The following TMEM237 variants were observed in gnomAD, a reference collection of about 807,000 sequenced individuals.
TMEM237 encodes amyotrophic lateral sclerosis 2 (juvenile) chromosome region, candidate 4.
A neutral mutation model predicts 59.1 loss-of-function variants in TMEM237; 51 were observed. The observed-to-expected ratio is 0.86, with a 90% CI of 0.69 to 1.09. The LOEUF (loss-of-function observed/expected upper bound fraction) is 1.09, where lower values mean the gene tolerates loss of function less well. TMEM237 is among the 50% of genes least tolerant of loss of function. TMEM237 has a pLI of 0.00. For synonymous variants in TMEM237, 140 were observed against 166.1 expected (o/e 0.84, Z 1.21); for missense variants, 475 against 478.3 (o/e 0.99, Z 0.06).
rs763176756 is a variant in TMEM237 at position 201,624,308 on chromosome 2, AG to A, written c.1173del (p.Ser392GlnfsTer26). On this transcript the variant is annotated frameshift_variant, in exon 13 of 13. Transcript: ENST00000409883. LOFTEE classifies it high-confidence loss of function. ...TTATCAGGATATTCTTCCACCTCTGAGGAGAACATTAACTCTGGAGAAGAAA... is the reference window on the plus strand; with the variant it reads ...TTATCAGGATATTCTTCCACCTCTGAGAGAACATTAACTCTGGAGAAGAAA... ...GMDLSEELMF[S>X]SEVEEYPDKE... is the part of the protein sequence containing the mutation. The A allele has an allele frequency of 1.5e-5, 24 of 1,612,004 alleles. No individual in the cohort carries two copies. The highest frequency in any genetic ancestry group is 2.0e-5 in the Non-Finnish European group (24 of 1,178,894).
chr2:201,641,063 C>T, intron 1 of TMEM237, 139 bp from the exon 2 acceptor site: 1 of 610,088 alleles, frequency 1.6e-6, no homozygotes, highest in Non-Finnish European at 2.7e-6. Flanking sequence ...ACGATCTTGG[C>T]TCACTGCAGC....
intron 5 of TMEM237, among the ~76,000 whole-genome samples, chr2:201,634,181 G>C (rs183334413): frequency 6.6e-6 from 1 of 152,320 alleles, no homozygotes; most frequent in Non-Finnish European, 1.5e-5. Flanking sequence ...AAGGATAGCA[G>C]TCTCAGGTCT....
chr2:201,643,294 C>CCCCCCGG lies in TMEM237; in HGVS notation c.42+64_42+65insCCGGGGG. 1 of 1,489,864 alleles carries CCCCCCGG rather than the reference C, an allele frequency of 6.7e-7. No individual in the cohort carries two copies. Among genetic ancestry groups the CCCCCCGG allele is most frequent in the Non-Finnish European group, 9.1e-7 (1 of 1,095,544 alleles). 92.3% of individuals were successfully genotyped at this position (1,489,864 alleles called of 1,614,324 possible). A position where few individuals can be genotyped will look rare whatever the true frequency, so the allele number is the denominator to read the frequency against. Reference sequence around the variant, plus strand: ...TTGGCGCCCCCCCACACACACCCACCCCCACTGCCAAGTGTAGCTGTTTAC... The same window carrying CCCCCCGG: ...TTGGCGCCCCCCCACACACACCCACCCCCCCGGCCCACTGCCAAGTGTAGCTGTTTAC... On this transcript the variant is annotated intron_variant, in intron 1 of 12. Transcript: ENST00000409883. The surrounding 1 kb of genome is among the most constrained non-coding windows in gnomAD (Gnocchi z 4.3).
At chr2:201,627,458 T>C in intron 10 of TMEM237, 44 bp from the exon 11 acceptor site, 1 of 1,283,776 alleles carries the variant, frequency 7.8e-7, no homozygotes, top group Middle Eastern at 1.9e-4. Flanking sequence ...TTTAACAACC[T>C]GGTTTATTTT....
intron 6 of TMEM237, 56 bp from the exon 7 acceptor site, chr2:201,632,264 T>C: frequency 1.3e-6 from 2 of 1,584,864 alleles, no homozygotes; most frequent in South Asian, 2.3e-5. Flanking sequence ...TTTACAGACT[T>C]ACATAAGGAA....
chr2:201,624,253 T>TA lies in TMEM237; in HGVS notation c.*1dup. On this transcript the variant is annotated 3_prime_UTR_variant, in exon 13 of 13. Coordinates refer to ENST00000409883, the MANE Select transcript of TMEM237 (RefSeq NM_001044385.3). ...CATTATTCCTCCAAAGGTGAGCTGG[T>TA]ATTATGAAGAGGCTTTGATTTCTTT... 6.2e-7 allele frequency: 1 copy of TA among 1,610,770 alleles called. No homozygotes were observed. Among genetic ancestry groups the TA allele is most frequent in the Non-Finnish European group, 8.5e-7 (1 of 1,177,756 alleles).
rs763130545 is a variant in TMEM237, at chr2:201,622,406, T to C, written c.*1849A>G. 6.6e-6 allele frequency: 1 copy of C among 152,254 alleles called. No homozygotes were observed. The highest frequency in any genetic ancestry group is 2.4e-5 in the African/African-American group (1 of 41,460). The allele number at this position is 152,254 out of a possible 1,614,324, so 9.4% of individuals were successfully genotyped here. On this transcript the variant is annotated 3_prime_UTR_variant, in exon 13 of 13. Transcript: ENST00000409883. ...TATCCACAGAGCTGCCTTCCTTTCT[T>C]GGCTCTAGGGGAGGATTTGTTTCCT...
At chr2:201,626,333 G>A (rs1957758727) in intron 11 of TMEM237, 186 bp from the exon 12 acceptor site, 2 of 586,818 alleles carry the variant, frequency 3.4e-6, no homozygotes, top group Non-Finnish European at 5.7e-6. Flanking sequence ...GGGTTCAAAG[G>A]TTATTTAAAC....
Position 201,623,480 on chromosome 2 carries a change from A to C in TMEM237, c.*775T>G, listed in dbSNP as rs1440741319. On this transcript the variant is annotated 3_prime_UTR_variant, in exon 13 of 13. Coordinates refer to ENST00000409883, the MANE Select transcript of TMEM237 (RefSeq NM_001044385.3). ...GTCACTCAGAAAAAAGGGACAGAGG[A>C]AAGGGTACTGCAGATGTCAACTGGG... The C allele has an allele frequency of 2.5e-5, 4 of 161,762 alleles. No homozygotes were observed. The highest frequency in any genetic ancestry group is 1.2e-4 in the Admixed American group (2 of 16,628). The allele number at this position is 161,762 out of a possible 1,614,324, so 10.0% of individuals were successfully genotyped here.
chr2:201,632,169 T>C lies in TMEM237; in HGVS notation c.435A>G (p.Leu145=), dbSNP rs1957813495. The C allele has an allele frequency of 1.9e-6, 3 of 1,613,806 alleles. No individual in the cohort carries two copies. Among genetic ancestry groups the C allele is most frequent in the South Asian group, 2.2e-5 (2 of 91,084 alleles). The change falls in exon 7 of 13, where the codon CTA becomes CTG. Residue 145 remains leucine (L), a synonymous_variant. Transcript: ENST00000409883. ...QPAELQYANE[L]GVEDEDIITD... ...TGATTATGTCTTCATCTTCTACTCCTAGCTCATTGGCATACTGTAATTCTG... is the reference window on the plus strand; with the variant it reads ...TGATTATGTCTTCATCTTCTACTCCCAGCTCATTGGCATACTGTAATTCTG...
rs941493317 is a variant in TMEM237, at chr2:201,622,042, A to G, written c.*2213T>C. The G allele has an allele frequency of 9.2e-5, 14 of 152,164 alleles. No individual in the cohort carries two copies. Among genetic ancestry groups the G allele is most frequent in the African/African-American group, 3.4e-4 (14 of 41,436 alleles). 9.4% of individuals were successfully genotyped at this position (152,164 alleles called of 1,614,324 possible). ...CAAGTCCTTAATCAGGGAATACTCA[A>G]TGTTTTTCCCTGATGAAGGACTTGT... On this transcript the variant is annotated 3_prime_UTR_variant, in exon 13 of 13. Coordinates refer to ENST00000409883, the MANE Select transcript of TMEM237 (RefSeq NM_001044385.3).
In TMEM237 at chr2:201,627,234, A is replaced by G. The variant is rs374148554; in HGVS notation, c.1037+87T>C. On this transcript the variant is annotated intron_variant, in intron 11 of 12. Transcript: ENST00000409883. ...ATTTGGAAACAAAAACAGAGCCTTC[A>G]TTATTTGCAGTTGAAAAAGAATGGA... The G allele has an allele frequency of 5.8e-4, 528 of 912,024 alleles. 4 individuals are homozygous for G. In the African/African-American group the frequency reaches 7.2e-3, roughly 12 times the overall value. The allele number at this position is 912,024 out of a possible 1,614,324, so 56.5% of individuals were successfully genotyped here.
intron 6 of TMEM237, 83 bp downstream of exon 6, chr2:201,633,228 A>T (rs906055949): frequency 3.8e-5 from 54 of 1,413,070 alleles, no homozygotes; most frequent in Non-Finnish European, 5.0e-5. Flanking sequence ...AATAAGACTT[A>T]ATGAGAAGCT....
At position 201,620,608 on chromosome 2, in the gene TMEM237, AG is replaced by A. The variant is rs1957691795; in HGVS notation, c.*3646del. 1 of 152,246 alleles carries A rather than the reference AG, an allele frequency of 6.6e-6. No homozygotes were observed. Among genetic ancestry groups the A allele is most frequent in the African/African-American group, 2.4e-5 (1 of 41,458 alleles). 9.4% of individuals were successfully genotyped at this position (152,246 alleles called of 1,614,324 possible). ...TTTGAGAGAATTATCCTTGGCTACA[AG>A]GATCAATAACAAGGATGTTGCCAGT... On this transcript the variant is annotated 3_prime_UTR_variant, in exon 13 of 13. Transcript: ENST00000409883.
chr2:201,640,203 C>T, intron 3 of TMEM237, 58 bp downstream of exon 3: 2 of 1,429,838 alleles, frequency 1.4e-6, no homozygotes, highest in Non-Finnish European at 1.9e-6. Flanking sequence ...AGAAACAAAC[C>T]AAGGAATCAA....
intron 6 of TMEM237, among the ~76,000 whole-genome samples, chr2:201,633,101 C>T (rs767801383): frequency 1.3e-5 from 2 of 151,526 alleles, no homozygotes; most frequent in Non-Finnish European, 2.9e-5. Flanking sequence ...TATTTAAGTA[C>T]AATCTTAATT....
chr2:201,638,923 G>T, intron 4 of TMEM237, 66 bp downstream of exon 4: 1 of 1,447,596 alleles, frequency 6.9e-7, no homozygotes, highest in Non-Finnish European at 9.4e-7. Context: ...CCTTATCTGT[G>T]ATGTTTACTA....
At chr2:201,637,211 T>A (rs944182084) in intron 4 of TMEM237, among the ~76,000 whole-genome samples, 1 of 152,212 alleles carries the variant, frequency 6.6e-6, no homozygotes, top group Admixed American at 6.5e-5. Flanking sequence ...ACTGATACCA[T>A]AGAGAATTCT....
chr2:201,628,042 A>T (rs750706073), intron 10 of TMEM237, 34 bp downstream of exon 10: 8 of 1,511,212 alleles, frequency 5.3e-6, no homozygotes, highest in Non-Finnish European at 7.3e-6. Context: ...TAACTGAAGT[A>T]TTACACAGTT....
Sources: gnomAD v4.1 joint callset for allele counts (sites outside exome capture counted in the v4.1 genomes callset) on GRCh38, gnomAD v4.1.1 for gene constraint, Gnocchi (gnomAD v3.1) non-coding constraint, MANE v1.5 for transcripts, NCBI Gene and HGNC (gene_info 2026-07-23, HGNC 2026-07-21) for gene names.